IKZF1: variants seen among roughly 807,000 people sequenced by gnomAD.
IKZF1 encodes the protein DNA-binding protein Ikaros.
Under a neutral mutation model 51.7 loss-of-function variants are expected in IKZF1, and 10 were observed. That is an observed-to-expected ratio of 0.19 (90% CI 0.12 to 0.33). The LOEUF (loss-of-function observed/expected upper bound fraction) is 0.33. IKZF1 is among the 10% of genes least tolerant of loss of function. The probability of loss-of-function intolerance (pLI) is 1.00; values close to 1 mark genes in which losing one functional copy is unlikely to be tolerated. For missense variants in IKZF1, 484 were observed against 707.5 expected (o/e 0.68, Z 3.58); for synonymous variants, 280 against 282.3 (o/e 0.99, Z 0.08).
At chr7:50,371,220 T>A (rs1308914160) in intron 3 of IKZF1, among the ~76,000 whole-genome samples, 1 of 152,178 alleles carries the variant, frequency 6.6e-6, no homozygotes, top group East Asian at 1.9e-4. Context: ...TTCCGGGGTA[T>A]TATGGAGCTG....
chr7:50,315,658 G>A (rs1165501113), intron 1 of IKZF1, among the ~76,000 whole-genome samples: 1 of 152,288 alleles, frequency 6.6e-6, no homozygotes, highest in Middle Eastern at 3.4e-3. Context: ...AGAAAACTGC[G>A]GTACGTTTCT....
intron 6 of IKZF1, chr7:50,388,483 C>T (rs545121945): frequency 3.3e-5 from 5 of 152,354 alleles, no homozygotes; most frequent in Admixed American, 1.3e-4. Context: ...CAACATCTCA[C>T]CTGGCCAGAG....
chr7:50,393,002 G>C (rs73348161), intron 7 of IKZF1, among the ~76,000 whole-genome samples: 2,298 of 152,256 alleles, frequency 0.015, 71 homozygotes, highest in African/African-American at 0.053. Flanking sequence ...CCAGGTGAGC[G>C]AGGGACCCTT....
chr7:50,365,464 C>T (rs186667606), intron 3 of IKZF1, among the ~76,000 whole-genome samples: 6 of 152,162 alleles, frequency 3.9e-5, no homozygotes, highest in African/African-American at 7.2e-5. Flanking sequence ...TCTTTTGAAA[C>T]GTGATTGACA....
At chr7:50,371,673 C>G (rs1338021205) in intron 3 of IKZF1, among the ~76,000 whole-genome samples, 1 of 152,236 alleles carries the variant, frequency 6.6e-6, no homozygotes, top group Non-Finnish European at 1.5e-5. Context: ...CTCTCCTCGG[C>G]ACCTTCTCCA....
At chr7:50,340,044 G>C (rs1798710494) in intron 3 of IKZF1, among the ~76,000 whole-genome samples, 1 of 152,318 alleles carries the variant, frequency 6.6e-6, no homozygotes, top group African/African-American at 2.4e-5. Context: ...GGTCCAGGAA[G>C]TGGCCTGTGC....
intron 3 of IKZF1, among the ~76,000 whole-genome samples, chr7:50,359,022 G>C (rs768481627): frequency 1.3e-5 from 2 of 152,210 alleles, no homozygotes; most frequent in Non-Finnish European, 2.9e-5. Context: ...CACTTTGAGA[G>C]ACTGAGGTGG....
chr7:50,404,598 T>A lies in IKZF1; in HGVS notation c.*3971T>A, dbSNP rs917956631. On this transcript the variant is annotated 3_prime_UTR_variant, in exon 8 of 8. Transcript: ENST00000331340. ...CTTGGGAACACATGTGGTGTCTTGA[T>A]GTGGCCAGCGCAGCAGTTCAGCACA... The A allele has an allele frequency of 4.4e-6, 1 of 229,032 alleles. No individual in the cohort carries two copies. Among genetic ancestry groups the A allele is most frequent in the Non-Finnish European group, 8.7e-6 (1 of 115,342 alleles). 14.2% of individuals were successfully genotyped at this position (229,032 alleles called of 1,614,324 possible).
Position 50,356,596 on chromosome 7 carries a change from T to TGC in IKZF1, c.161-19934_161-19933dup, listed in dbSNP as rs146881708. ...GTGTGCATGGCTTTGTCTGTGTGTGTGCGCACGCACTCTGCTAAGCTACTC... is the reference window on the plus strand; with the variant it reads ...GTGTGCATGGCTTTGTCTGTGTGTGTGCGCGCACGCACTCTGCTAAGCTACTC... On this transcript the variant is annotated intron_variant, in intron 3 of 7. Transcript: ENST00000331340. 7.2e-5 allele frequency among the ~76,000 whole-genome samples: 11 copies of TGC among 152,358 alleles called. No individual in the cohort carries two copies. In the East Asian group the frequency reaches 1.7e-3, roughly 24 times the overall value.
At chr7:50,379,961 T>C (rs1584908646) in intron 4 of IKZF1, among the ~76,000 whole-genome samples, 1 of 152,224 alleles carries the variant, frequency 6.6e-6, no homozygotes, top group Non-Finnish European at 1.5e-5. Flanking sequence ...ATTCATGACA[T>C]CAATGTCCTC....
chr7:50,316,608 T>C (rs1439002763), intron 1 of IKZF1, among the ~76,000 whole-genome samples: 1 of 152,236 alleles, frequency 6.6e-6, no homozygotes, highest in African/African-American at 2.4e-5. Flanking sequence ...TGCAAATGAC[T>C]GCAAAAGTAA....
chr7:50,358,732 G>T (rs1468808150), intron 3 of IKZF1, among the ~76,000 whole-genome samples: 1 of 152,178 alleles, frequency 6.6e-6, no homozygotes, highest in African/African-American at 2.4e-5. Context: ...ATACAGCACG[G>T]GGCTTTTTAG....
chr7:50,334,490 T>C (rs888996849), intron 3 of IKZF1, among the ~76,000 whole-genome samples: 5 of 152,058 alleles, frequency 3.3e-5, no homozygotes, highest in Non-Finnish European at 7.4e-5. Context: ...GTGTCATATG[T>C]TTGTGTGTGC....
chr7:50,348,206 T>A (rs1244505155), intron 3 of IKZF1, among the ~76,000 whole-genome samples: 2 of 152,250 alleles, frequency 1.3e-5, no homozygotes, highest in Non-Finnish European at 2.9e-5. Flanking sequence ...TGTTAGATAG[T>A]GAAAGAAATT....
At chr7:50,368,461 G>A (rs1428426992) in intron 3 of IKZF1, 7 of 607,996 alleles carry the variant, frequency 1.2e-5, no homozygotes, top group East Asian at 1.1e-4. Flanking sequence ...TTACAATTTT[G>A]TGGGACAGGA....
chr7:50,355,722 T>G (rs1433173280), intron 3 of IKZF1, among the ~76,000 whole-genome samples: 1 of 152,224 alleles, frequency 6.6e-6, no homozygotes, highest in Non-Finnish European at 1.5e-5. Flanking sequence ...CAGTTTCCTC[T>G]AAGAACAATG....
At chr7:50,369,002 T>C (rs1807853055) in intron 3 of IKZF1, 1 of 223,636 alleles carries the variant, frequency 4.5e-6, no homozygotes, top group Non-Finnish European at 8.9e-6. Flanking sequence ...ATCTTTTTGC[T>C]CACAAACTAG....
intron 3 of IKZF1, among the ~76,000 whole-genome samples, chr7:50,347,081 T>C (rs2153424981): frequency 1.3e-5 from 2 of 152,350 alleles, no homozygotes; most frequent in South Asian, 4.1e-4. Context: ...CTGGCAATTA[T>C]CGTTATCTCA....
chr7:50,325,220 T>C (rs73695613), intron 2 of IKZF1, among the ~76,000 whole-genome samples: 3 of 149,688 alleles, frequency 2.0e-5, no homozygotes, highest in Non-Finnish European at 4.4e-5. Context: ...TACAGTTCTG[T>C]GTAAGATTAT....
Sources: gnomAD v4.1 joint callset for allele counts (sites outside exome capture counted in the v4.1 genomes callset) on GRCh38, gnomAD v4.1.1 for gene constraint, MANE v1.5 for transcripts, NCBI Gene and HGNC (gene_info 2026-07-23, HGNC 2026-07-21) for gene names.